Variants in TMEM132C observed in about 807,000 individuals in gnomAD.
TMEM132C encodes protein phosphatase 1, regulatory subunit 152.
In TMEM132C, 29 loss-of-function variants were observed where a neutral mutation model predicts 61.4. The observed-to-expected ratio is 0.47, with a 90% CI of 0.35 to 0.64. The LOEUF (loss-of-function observed/expected upper bound fraction) is 0.64. Among genes scored for constraint, TMEM132C ranks in the 30% least tolerant of loss-of-function variants. The pLI, the probability that TMEM132C is intolerant of heterozygous loss-of-function variation, is 0.00. For missense variants in TMEM132C, 1,408 were observed against 1,476.9 expected (o/e 0.95, Z 0.76); for synonymous variants, 656 against 633.1 (o/e 1.04, Z -0.54).
intron 2 of TMEM132C, among the ~76,000 whole-genome samples, chr12:128,449,136 CAAAAA>C (rs141298455): frequency 0.22 from 11,118 of 49,980 alleles, 466 homozygotes; most frequent in African/African-American, 0.34. Context: ...GACTCTGTCT[CAAAAA>C]AAAAAAAAAA....
chr12:128,695,944 C>A lies in TMEM132C; in HGVS notation c.1770C>A (p.Ala590=). The change falls in exon 7 of 9, where the codon GCC becomes GCA. Residue 590 remains alanine (A), a synonymous_variant. Coordinates refer to ENST00000435159, the MANE Select transcript of TMEM132C (RefSeq NM_001136103.3). ...TCACCCAGTTTGTGTCTGAGGGCGC[C>A]GGTCCATGGGGCCAGCCGAACTACC... ...RVLTQFVSEG[A]GPWGQPNYLL... The A allele has an allele frequency of 6.4e-7, 1 of 1,551,774 alleles. No individual in the cohort carries two copies. The highest frequency in any genetic ancestry group is 1.2e-5 in the South Asian group (1 of 84,060).
At chr12:128,269,347 CGTGTGTGT>C (rs58843737) in intron 1 of TMEM132C, among the ~76,000 whole-genome samples, 4 of 143,048 alleles carry the variant, frequency 2.8e-5, no homozygotes, top group Admixed American at 6.9e-5. Flanking sequence ...GCTCACATTC[CGTGTGTGT>C]GTGTGTGTGT....
chr12:128,457,524 C>T (rs902241028), intron 2 of TMEM132C, among the ~76,000 whole-genome samples: 10 of 149,592 alleles, frequency 6.7e-5, no homozygotes, highest in East Asian at 2.0e-4. Flanking sequence ...TGCAGTGAGC[C>T]GAGATCGCGC....
chr12:128,398,984 G>A (rs1875054915), intron 1 of TMEM132C, among the ~76,000 whole-genome samples: 1 of 152,188 alleles, frequency 6.6e-6, no homozygotes, highest in Admixed American at 6.5e-5. Context: ...GCTTTAAAAT[G>A]AAAGAGAAAA....
chr12:128,457,594 T>G (rs1870390772), intron 2 of TMEM132C, among the ~76,000 whole-genome samples: 2 of 151,052 alleles, frequency 1.3e-5, no homozygotes, highest in Non-Finnish European at 2.9e-5. Context: ...AAAAAAAAAT[T>G]AGGCAGTCTA....
chr12:128,347,725 G>A (rs1321373793), intron 1 of TMEM132C, among the ~76,000 whole-genome samples: 3 of 152,248 alleles, frequency 2.0e-5, no homozygotes, highest in African/African-American at 7.2e-5. Context: ...ACCACGCCCA[G>A]CCTGCATGTG....
intron 2 of TMEM132C, among the ~76,000 whole-genome samples, chr12:128,495,504 A>G (rs1014922882): frequency 6.6e-6 from 1 of 152,162 alleles, no homozygotes; most frequent in African/African-American, 2.4e-5. Flanking sequence ...GACTTGCTTT[A>G]TGAATCTGGG....
Position 128,544,073 on chromosome 12 carries a change from G to A in TMEM132C, c.1091G>A (p.Cys364Tyr). 1 of 1,543,428 alleles carries A rather than the reference G, an allele frequency of 6.5e-7. No individual in the cohort carries two copies. Among genetic ancestry groups the A allele is most frequent in the Non-Finnish European group, 8.7e-7 (1 of 1,143,174 alleles). Residue 364 changes from cysteine (C) to tyrosine (Y), a missense_variant, in exon 3 of 9, where the codon TGC (cysteine) becomes TAC (tyrosine). Transcript: ENST00000435159. ...AAGCACGTGACGGCCACCGTGGCCT[G>A]CCAGCGCCTGGGGCCCAGCCCACGC... ...GGKHVTATVACQRLGPSPRNR... is the reference protein window; with the variant it reads ...GGKHVTATVAYQRLGPSPRNR...
chr12:128,664,060 AGG>A (rs1491280141), intron 4 of TMEM132C, among the ~76,000 whole-genome samples: 1,616 of 142,552 alleles, frequency 0.011, 29 homozygotes, highest in African/African-American at 0.033. Flanking sequence ...GGGCACTCAC[AGG>A]CACACACACA....
intron 2 of TMEM132C, among the ~76,000 whole-genome samples, chr12:128,494,718 T>A (rs1028545298): frequency 2.6e-5 from 4 of 152,112 alleles, no homozygotes; most frequent in Non-Finnish European, 5.9e-5. Context: ...TTTTATTGCA[T>A]CTATTTGATT....
At chr12:128,456,770 A>T (rs1870359448) in intron 2 of TMEM132C, among the ~76,000 whole-genome samples, 1 of 152,030 alleles carries the variant, frequency 6.6e-6, no homozygotes, top group Non-Finnish European at 1.5e-5. Flanking sequence ...GACATAGAAC[A>T]ATTTCATTAT....
chr12:128,369,692 A>G (rs1342434398), intron 1 of TMEM132C, among the ~76,000 whole-genome samples: 1 of 152,186 alleles, frequency 6.6e-6, no homozygotes, highest in African/African-American at 2.4e-5. Context: ...TTTCTTCTCA[A>G]GTTTCAGCCT....
chr12:128,640,407 T>C (rs1954148620), intron 4 of TMEM132C, among the ~76,000 whole-genome samples: 1 of 152,158 alleles, frequency 6.6e-6, no homozygotes, highest in Admixed American at 6.5e-5. Flanking sequence ...ATTCCATTTA[T>C]GTGAGATTAC....
intron 2 of TMEM132C, among the ~76,000 whole-genome samples, chr12:128,505,591 C>G (rs192732744): frequency 6.6e-6 from 1 of 152,106 alleles, no homozygotes; most frequent in Non-Finnish European, 1.5e-5. Flanking sequence ...GTAAAAATAG[C>G]GTGATATGTA....
intron 5 of TMEM132C, among the ~76,000 whole-genome samples, chr12:128,675,874 T>TAGATAGAG (rs1954580847): frequency 1.0e-5 from 1 of 98,668 alleles, no homozygotes; most frequent in South Asian, 2.5e-4. Flanking sequence ...GATAGATAGA[T>TAGATAGAG]AGATAGATAA....
At chr12:128,303,424 A>C (rs1028416026) in intron 1 of TMEM132C, among the ~76,000 whole-genome samples, 1 of 152,266 alleles carries the variant, frequency 6.6e-6, no homozygotes, top group African/African-American at 2.4e-5. Flanking sequence ...CTGATTCCAA[A>C]GTTTTCTTTA....
At chr12:128,687,553 A>G (rs1006894024) in intron 5 of TMEM132C, among the ~76,000 whole-genome samples, 1 of 152,204 alleles carries the variant, frequency 6.6e-6, no homozygotes, top group African/African-American at 2.4e-5. Flanking sequence ...CTTCAGGCAA[A>G]GAGAACAGCA....
In TMEM132C at chr12:128,558,232, C is replaced by G. The variant is rs377374550; in HGVS notation, c.1121+14129C>G. 4.1e-4 allele frequency among the ~76,000 whole-genome samples: 62 copies of G among 152,270 alleles called. 2 individuals are homozygous for G. In the South Asian group the frequency reaches 5.8e-3, roughly 14 times the overall value. On this transcript the variant is annotated intron_variant, in intron 3 of 8. Coordinates refer to ENST00000435159, the MANE Select transcript of TMEM132C (RefSeq NM_001136103.3). ...TTATAATTGTGGCAGAGACACAGCA[C>G]TATTTTCCCTTGGTGGCTGATGTGA...
Position 128,364,333 on chromosome 12 carries a change from A to T in TMEM132C, c.86-50399A>T, listed in dbSNP as rs1482990791. On this transcript the variant is annotated intron_variant, in intron 1 of 8. Coordinates refer to ENST00000435159, the MANE Select transcript of TMEM132C (RefSeq NM_001136103.3). ...CCCCTCCTCCCCTCCCCGCCCCCGCATCATTCTCACTCAGTCACACACACT... is the reference window on the plus strand; with the variant it reads ...CCCCTCCTCCCCTCCCCGCCCCCGCTTCATTCTCACTCAGTCACACACACT... Among the ~76,000 whole-genome samples, 26 of 55,556 alleles carry T rather than the reference A, an allele frequency of 4.7e-4. 1 individual carries two copies. Among genetic ancestry groups the T allele is most frequent in the Non-Finnish European group, 6.7e-5 (2 of 29,776 alleles). 36.4% of individuals were successfully genotyped at this position (55,556 alleles called of 152,430 possible).
Sources: allele counts gnomAD v4.1 joint callset (sites outside exome capture counted in the v4.1 genomes callset), GRCh38; gene constraint gnomAD v4.1.1; transcripts MANE v1.5; gene names NCBI Gene and HGNC (gene_info 2026-07-23, HGNC 2026-07-21).